ATF7IP2: variants seen among roughly 807,000 people sequenced by gnomAD.
The protein encoded by ATF7IP2 is activating transcription factor 7 interacting protein 2.
Under a neutral mutation model 64.2 loss-of-function variants are expected in ATF7IP2, and 42 were observed. That is an observed-to-expected ratio of 0.65 (90% CI 0.51 to 0.85). The LOEUF (loss-of-function observed/expected upper bound fraction) is 0.85, where lower values mean the gene tolerates loss of function less well. Ranked by LOEUF, ATF7IP2 falls within the 40% of genes least tolerant of loss-of-function variation. ATF7IP2 has a pLI of 0.00. For synonymous variants in ATF7IP2, 308 were observed against 272.8 expected, an observed-to-expected ratio of 1.13 and a Z score of -1.27; for missense variants, 933 against 784.2, an observed-to-expected ratio of 1.19 and a Z score of -2.27.
intron 12 of ATF7IP2, among the ~76,000 whole-genome samples, 163 bp downstream of exon 12, chr16:10,474,152 C>T (rs1438963600): frequency 6.6e-6 from 1 of 152,176 alleles, no homozygotes; most frequent in Non-Finnish European, 1.5e-5. Flanking sequence ...ACTGCCGTCA[C>T]AGTGACAAAG....
intron 8 of ATF7IP2, among the ~76,000 whole-genome samples, chr16:10,441,697 C>T (rs1230914855): frequency 6.6e-6 from 1 of 152,172 alleles, no homozygotes; most frequent in Non-Finnish European, 1.5e-5. Flanking sequence ...TGTAGGTTGC[C>T]TGTTCACTCT....
intron 2 of ATF7IP2, among the ~76,000 whole-genome samples, chr16:10,415,515 C>T (rs1318108781): frequency 6.6e-6 from 1 of 152,154 alleles, no homozygotes; most frequent in Non-Finnish European, 1.5e-5. Context: ...AACTATGAAA[C>T]TGCTAGAAGA....
chr16:10,431,183 C>T lies in ATF7IP2; in HGVS notation c.563C>T (p.Thr188Ile), dbSNP rs542238830. The T allele has an allele frequency of 1.2e-6, 2 of 1,614,150 alleles. No individual in the cohort carries two copies. Among genetic ancestry groups the T allele is most frequent in the South Asian group, 1.1e-5 (1 of 91,078 alleles). ...ATGCCAGAGTCTACAGTAACCAGTACCGTGGGTGACAAGAAAACTGACCAG... is the reference window on the plus strand; with the variant it reads ...ATGCCAGAGTCTACAGTAACCAGTATCGTGGGTGACAAGAAAACTGACCAG... ...VQMPESTVTS[T>I]VGDKKTDQMV... The change falls in exon 5 of 14, where the codon ACC becomes ATC. Residue 188 changes from threonine (T) to isoleucine (I), a missense_variant. Coordinates refer to ENST00000562102, the MANE Select transcript of ATF7IP2 (RefSeq NM_001393719.1).
intron 3 of ATF7IP2, among the ~76,000 whole-genome samples, chr16:10,428,184 C>T (rs771667559): frequency 1.5e-4 from 23 of 152,140 alleles, no homozygotes; most frequent in Non-Finnish European, 3.4e-4. Flanking sequence ...TTTGGAGAAA[C>T]ATAAGTAAAT....
intron 7 of ATF7IP2, 47 bp downstream of exon 7, chr16:10,438,282 T>G (rs762975563): frequency 5.3e-5 from 83 of 1,551,868 alleles, no homozygotes; most frequent in Non-Finnish European, 7.0e-5. Context: ...GTAGGGGGTG[T>G]TGTTGCTCTG....
At chr16:10,450,263 A>T (rs1214530174) in intron 8 of ATF7IP2, among the ~76,000 whole-genome samples, 3 of 152,162 alleles carry the variant, frequency 2.0e-5, no homozygotes, top group African/African-American at 7.2e-5. Flanking sequence ...AATAAGTATG[A>T]TGAGGTGCTG....
chr16:10,465,126 G>T lies in ATF7IP2; in HGVS notation c.1353-6984G>T, dbSNP rs922436765. Among the ~76,000 whole-genome samples the T allele has an allele frequency of 3.3e-5, 5 of 152,130 alleles. No individual in the cohort carries two copies. In the East Asian group the frequency reaches 7.7e-4, roughly 23 times the overall value. On this transcript the variant is annotated intron_variant, in intron 9 of 13. Coordinates refer to ENST00000562102, the MANE Select transcript of ATF7IP2 (RefSeq NM_001393719.1). Reference sequence around the variant, plus strand: ...ATTACAGGCGTGAGCCACCACGCCTGTCCATCCTACTCATTATTAAAATTT... The same window carrying T: ...ATTACAGGCGTGAGCCACCACGCCTTTCCATCCTACTCATTATTAAAATTT...
In ATF7IP2 at chr16:10,473,548, A is replaced by G. The variant is rs769184736; in HGVS notation, c.1482+14A>G. On this transcript the variant is annotated intron_variant, in intron 11 of 13. Coordinates refer to ENST00000562102, the MANE Select transcript of ATF7IP2 (RefSeq NM_001393719.1). ...GCTGAAGTTATGGTGAGTAATAAAT[A>G]TTGACTCTGAATATTGTTTATTTAA... 6.7e-7 allele frequency: 1 copy of G among 1,500,454 alleles called. No individual in the cohort carries two copies. The highest frequency in any genetic ancestry group is 1.8e-5 in the Admixed American group (1 of 54,338). The allele number at this position is 1,500,454 out of a possible 1,614,324, so 92.9% of individuals were successfully genotyped here.
At chr16:10,396,352 C>T (rs943200242) in intron 1 of ATF7IP2, among the ~76,000 whole-genome samples, 2 of 152,070 alleles carry the variant, frequency 1.3e-5, no homozygotes, top group South Asian at 2.1e-4. Flanking sequence ...GTTGATTGTT[C>T]TCTTCCTGTA....
chr16:10,431,182 A>G lies in ATF7IP2; in HGVS notation c.562A>G (p.Thr188Ala). 6.2e-7 allele frequency: 1 copy of G among 1,614,242 alleles called. No individual in the cohort carries two copies. Among genetic ancestry groups the G allele is most frequent in the Non-Finnish European group, 8.5e-7 (1 of 1,180,044 alleles). ...VQMPESTVTS[T>A]VGDKKTDQMV... is the part of the protein sequence containing the mutation. ...GATGCCAGAGTCTACAGTAACCAGT[A>G]CCGTGGGTGACAAGAAAACTGACCA... Residue 188 changes from threonine (T) to alanine (A), a missense_variant, in exon 5 of 14, where the codon ACC becomes GCC. Physicochemically the swap from Thr to Ala is moderately conservative, Grantham distance 58. Transcript: ENST00000562102.
At chr16:10,479,780 A>G (rs2050148939) in intron 12 of ATF7IP2, among the ~76,000 whole-genome samples, 1 of 152,058 alleles carries the variant, frequency 6.6e-6, no homozygotes, top group East Asian at 1.9e-4. Context: ...AATCAAAACC[A>G]CAATGAGATA....
intron 1 of ATF7IP2, among the ~76,000 whole-genome samples, chr16:10,410,624 T>C (rs1274714869): frequency 6.6e-6 from 1 of 152,182 alleles, no homozygotes; most frequent in Non-Finnish European, 1.5e-5. Context: ...CTTTATTTCT[T>C]TCTCTTTTCT....
intron 1 of ATF7IP2, 69 bp downstream of exon 1, chr16:10,386,191 G>A (rs1227034063): frequency 6.6e-6 from 1 of 152,282 alleles, no homozygotes; most frequent in Non-Finnish European, 1.5e-5. Flanking sequence ...AGGAGCGTCG[G>A]TCGCCTCTCT....
intron 9 of ATF7IP2, among the ~76,000 whole-genome samples, chr16:10,471,194 C>T (rs1462401602): frequency 6.6e-6 from 1 of 152,056 alleles, no homozygotes; most frequent in South Asian, 2.1e-4. Flanking sequence ...GATCATACAC[C>T]TAAGTACAAA....
intron 1 of ATF7IP2, among the ~76,000 whole-genome samples, chr16:10,388,524 T>C (rs904786376): frequency 6.6e-6 from 1 of 152,208 alleles, no homozygotes; most frequent in African/African-American, 2.4e-5. Flanking sequence ...GCTTATCAGA[T>C]AGCCATGGCA....
intron 2 of ATF7IP2, among the ~76,000 whole-genome samples, chr16:10,419,141 A>G (rs2047938208): frequency 6.6e-6 from 1 of 152,228 alleles, no homozygotes; most frequent in African/African-American, 2.4e-5. Context: ...GTATGCCTCA[A>G]TTATAGGAGC....
At position 10,482,017 on chromosome 16, in the gene ATF7IP2, C is replaced by A; in HGVS notation, c.1817C>A (p.Ala606Asp). The A allele has an allele frequency of 6.2e-7, 1 of 1,613,938 alleles. No homozygotes were observed. Among genetic ancestry groups the A allele is most frequent in the Non-Finnish European group, 8.5e-7 (1 of 1,179,912 alleles). The change falls in exon 14 of 14, where the codon GCT becomes GAT. Residue 606 changes from alanine (A) to aspartate (D), a missense_variant. Transcript: ENST00000562102. ...ATAACCAAAATCAATCCCAAGTGTG[C>A]TCCTGTAGAAAGCTACCACCTCTTC... ...WNITKINPKCAPVESYHLFLC... is the reference protein window; with the variant it reads ...WNITKINPKCDPVESYHLFLC...
rs1327656378 is a variant in ATF7IP2 at position 10,428,896 on chromosome 16, C to T, written c.-131C>T. On this transcript the variant is annotated 5_prime_UTR_variant, in exon 4 of 14. Coordinates refer to ENST00000562102, the MANE Select transcript of ATF7IP2 (RefSeq NM_001393719.1). ...TCCTGCTTTTTTTTTTTCTTTGAGA[C>T]ACGGTCTCACTCTGTCACCCTTGCT... The T allele has an allele frequency of 6.7e-6, 1 of 150,122 alleles. No homozygotes were observed. Among genetic ancestry groups the T allele is most frequent in the Non-Finnish European group, 1.5e-5 (1 of 67,730 alleles). 9.3% of individuals were successfully genotyped at this position (150,122 alleles called of 1,614,324 possible). A position where few individuals can be genotyped will look rare whatever the true frequency, so the allele number is the denominator to read the frequency against.
intron 1 of ATF7IP2, among the ~76,000 whole-genome samples, chr16:10,395,328 A>T (rs2047401414): frequency 6.6e-6 from 1 of 152,176 alleles, no homozygotes; most frequent in East Asian, 1.9e-4. Flanking sequence ...GGACAAAATG[A>T]AAAGCCCCAA....
Sources: allele counts gnomAD v4.1 joint callset (sites outside exome capture counted in the v4.1 genomes callset), GRCh38; gene constraint gnomAD v4.1.1; transcripts MANE v1.5; gene names NCBI Gene and HGNC (gene_info 2026-07-23, HGNC 2026-07-21).